The following PDE9A variants were observed in gnomAD, a reference collection of about 807,000 sequenced individuals.
PDE9A encodes the protein high affinity cGMP-specific 3',5'-cyclic phosphodiesterase 9A.
In PDE9A, 60 loss-of-function variants were observed where a neutral mutation model predicts 87.4. The observed-to-expected ratio is 0.69, with a 90% CI of 0.56 to 0.85. The LOEUF is 0.85. Ranked by LOEUF, PDE9A falls within the 40% of genes least tolerant of loss-of-function variation. The pLI is 0.00. For synonymous variants in PDE9A, 272 were observed against 279.4 expected (o/e 0.97, Z 0.27); for missense variants, 665 against 779.0 (o/e 0.85, Z 1.74).
rs770883595 is a variant in PDE9A at position 42,687,981 on chromosome 21, G to C, written c.205G>C (p.Ala69Pro). Residue 69 changes from alanine to proline, a missense_variant, in exon 3 of 20, where the codon GCG becomes CCG. Ala to Pro is a conservative substitution (Grantham distance 27). Transcript: ENST00000291539. ...GGTCTCCATCGACCCCACCATGCCCGCGAATTCAGAACGGTAAGAGGCTCC... is the reference window on the plus strand; with the variant it reads ...GGTCTCCATCGACCCCACCATGCCCCCGAATTCAGAACGGTAAGAGGCTCC... ...AMVSIDPTMP[A>P]NSERTPYKVR... 1.2e-6 allele frequency: 2 copies of C among 1,612,688 alleles called. No individual in the cohort carries two copies. The highest frequency in any genetic ancestry group is 8.5e-7 in the Non-Finnish European group (1 of 1,179,858).
intron 4 of PDE9A, among the ~76,000 whole-genome samples, chr21:42,727,582 C>T (rs940139243): frequency 6.7e-6 from 1 of 149,478 alleles, no homozygotes; most frequent in African/African-American, 2.5e-5. Context: ...AACCCTCCAA[C>T]CTCGACCTCC....
chr21:42,683,936 G>A (rs944048241), intron 1 of PDE9A, among the ~76,000 whole-genome samples: 10 of 152,220 alleles, frequency 6.6e-5, no homozygotes, highest in Admixed American at 2.6e-4. Context: ...TTATAAAGGC[G>A]TCATTTGCTG....
intron 6 of PDE9A, among the ~76,000 whole-genome samples, chr21:42,732,911 C>CA (rs1034227721): frequency 1.1e-4 from 16 of 152,146 alleles, no homozygotes; most frequent in African/African-American, 3.9e-4. Context: ...CACTCTGTCT[C>CA]AAAAAACAAA....
intron 4 of PDE9A, among the ~76,000 whole-genome samples, chr21:42,726,618 A>ATTTTTTTTTTTTTTTTTTTTT (rs1486108848): frequency 8.7e-5 from 2 of 23,046 alleles, no homozygotes; most frequent in African/African-American, 6.6e-4. Context: ...ATATATATAT[A>ATTTTTTTTTTTTTTTTTTTTT]TATATATTTT....
At chr21:42,663,377 C>T (rs1487366013) in intron 1 of PDE9A, among the ~76,000 whole-genome samples, 1 of 152,208 alleles carries the variant, frequency 6.6e-6, no homozygotes, top group Non-Finnish European at 1.5e-5. Context: ...GAGAAGTCAG[C>T]AGAGCCCCTG....
intron 1 of PDE9A, among the ~76,000 whole-genome samples, chr21:42,674,540 C>T (rs1477499323): frequency 6.6e-6 from 1 of 152,040 alleles, no homozygotes; most frequent in Admixed American, 6.6e-5. Context: ...AAAACGGCTC[C>T]GCCTACGCGC....
At chr21:42,687,440 T>A (rs1362897942) in intron 2 of PDE9A, among the ~76,000 whole-genome samples, 2 of 152,132 alleles carry the variant, frequency 1.3e-5, no homozygotes, top group South Asian at 4.1e-4. Flanking sequence ...TTGGTCGAGG[T>A]AACACATCTT....
In PDE9A at chr21:42,692,428, G is replaced by A. The variant is rs776037840; in HGVS notation, c.218+4434G>A. ...CCGGAGACATCAGCGGTGCTGAGGC[G>A]GAGCACCTGGTGTCTGAGGTCTCCC... On this transcript the variant is annotated intron_variant, in intron 3 of 19. Coordinates refer to ENST00000291539, the MANE Select transcript of PDE9A (RefSeq NM_002606.3). This position sits in a 1 kb window ranked among gnomAD's most constrained non-coding sequence, Gnocchi z 4.3. Among the ~76,000 whole-genome samples the A allele has an allele frequency of 2.0e-5, 3 of 152,166 alleles. No individual in the cohort carries two copies. Among genetic ancestry groups the A allele is most frequent in the Admixed American group, 6.5e-5 (1 of 15,286 alleles).
rs1347452939 is a variant in PDE9A, at chr21:42,775,474, A to C, written c.*181A>C. The C allele has an allele frequency of 1.9e-6, 1 of 515,698 alleles. No individual in the cohort carries two copies. The highest frequency in any genetic ancestry group is 3.5e-6 in the Non-Finnish European group (1 of 288,886). 31.9% of individuals were successfully genotyped at this position (515,698 alleles called of 1,614,324 possible). ...TGATGCTGTACAGAATTTTATTTTT[A>C]AACTGTCTTTTAAATAATATATTCT... On this transcript the variant is annotated 3_prime_UTR_variant, in exon 20 of 20. Coordinates refer to ENST00000291539, the MANE Select transcript of PDE9A (RefSeq NM_002606.3).
In PDE9A at chr21:42,701,677, T is replaced by C. The variant is rs372591083; in HGVS notation, c.262+2666T>C. 1.2e-4 allele frequency among the ~76,000 whole-genome samples: 19 copies of C among 152,252 alleles called. No homozygotes were observed. In the South Asian group the frequency reaches 1.9e-3, roughly 15 times the overall value. ...GTCTCAAACTCCTAAACTCAAGTAA[T>C]CCTCCCTCCCTGAGATTACAGACGT... On this transcript the variant is annotated intron_variant, in intron 4 of 19. Coordinates refer to ENST00000291539, the MANE Select transcript of PDE9A (RefSeq NM_002606.3).
intron 1 of PDE9A, among the ~76,000 whole-genome samples, chr21:42,656,272 G>A (rs61639224): frequency 2.6e-5 from 4 of 152,038 alleles, no homozygotes; most frequent in Non-Finnish European, 2.9e-5. Context: ...TGTGTTCGTC[G>A]GCACCACCTG....
At chr21:42,677,171 T>A (rs1022635192) in intron 1 of PDE9A, among the ~76,000 whole-genome samples, 1 of 152,220 alleles carries the variant, frequency 6.6e-6, no homozygotes, top group Non-Finnish European at 1.5e-5. Flanking sequence ...AGGGAAAGAT[T>A]GTAGAATAAT....
At chr21:42,716,685 A>AT (rs1396879670) in intron 4 of PDE9A, among the ~76,000 whole-genome samples, 3 of 142,462 alleles carry the variant, frequency 2.1e-5, no homozygotes, top group Non-Finnish European at 4.5e-5. Flanking sequence ...CCTTTGAGTT[A>AT]TTGTGTCATA....
Position 42,760,885 on chromosome 21 carries a change from G to T in PDE9A, c.1063G>T (p.Asp355Tyr), listed in dbSNP as rs139964261. 1.2e-6 allele frequency: 2 copies of T among 1,611,104 alleles called. No individual in the cohort carries two copies. The highest frequency in any genetic ancestry group is 1.7e-6 in the Non-Finnish European group (2 of 1,177,362). The change falls in exon 13 of 20, where the codon GAC becomes TAC. Residue 355 changes from aspartate (D) to tyrosine (Y), a missense_variant. Physicochemically the swap from Asp to Tyr is radical, Grantham distance 160 (BLOSUM62 -3). Transcript: ENST00000291539. The surrounding 1 kb of genome is among the most constrained non-coding windows in gnomAD (Gnocchi z 5.2). ...GACAGCGGCCATCTGCCACGATCTG[G>T]ACCATCCCGGCTACAACAACACGTA... The part of the protein sequence containing the change: ...LMTAAICHDL[D>Y]HPGYNNTYQI...
At chr21:42,773,476 G>A (rs961782050) in intron 19 of PDE9A, among the ~76,000 whole-genome samples, 8 of 152,124 alleles carry the variant, frequency 5.3e-5, no homozygotes, top group South Asian at 2.1e-4. Context: ...TTCAGCTCAC[G>A]GGGAATGCAG....
chr21:42,769,190 C>T, intron 17 of PDE9A, 35 bp downstream of exon 17: 4 of 1,599,086 alleles, frequency 2.5e-6, no homozygotes, highest in Non-Finnish European at 3.4e-6. Flanking sequence ...CACTTGCTTA[C>T]ACTCAGATAC....
chr21:42,717,244 G>T (rs2050015468), intron 4 of PDE9A, among the ~76,000 whole-genome samples: 1 of 148,306 alleles, frequency 6.7e-6, no homozygotes, highest in Non-Finnish European at 1.5e-5. Flanking sequence ...TTCTTGCAGT[G>T]CATATCTGCT....
intron 6 of PDE9A, 69 bp downstream of exon 6, chr21:42,732,193 C>T: frequency 2.0e-6 from 3 of 1,473,824 alleles, no homozygotes; most frequent in Non-Finnish European, 2.8e-6. Flanking sequence ...GAGGGCAGGC[C>T]CCAGGCTCTG....
chr21:42,760,535 G>C lies in PDE9A; in HGVS notation c.1002+103G>C. On this transcript the variant is annotated intron_variant, in intron 12 of 19. Transcript: ENST00000291539. The surrounding 1 kb of genome is among the most constrained non-coding windows in gnomAD (Gnocchi z 5.2). The stretch of plus-strand genomic sequence containing the variant: ...CCATCCCACCAAGAGAGCCACAGGC[G>C]TGGGGTCCCCAGCCGCTCCGCCCCT... The C allele has an allele frequency of 1.4e-6, 1 of 739,992 alleles. No individual in the cohort carries two copies. Among genetic ancestry groups the C allele is most frequent in the South Asian group, 1.6e-5 (1 of 63,886 alleles). 45.8% of individuals were successfully genotyped at this position (739,992 alleles called of 1,614,324 possible).
Sources: gnomAD v4.1 joint callset for allele counts (sites outside exome capture counted in the v4.1 genomes callset) on GRCh38, gnomAD v4.1.1 for gene constraint, Gnocchi (gnomAD v3.1) non-coding constraint, MANE v1.5 for transcripts, NCBI Gene and HGNC (gene_info 2026-07-23, HGNC 2026-07-21) for gene names.